Variants in TAS1R1 observed in about 807,000 individuals in gnomAD.
TAS1R1 encodes the protein taste receptor type 1 member 1.
Under a neutral mutation model 45.8 loss-of-function variants are expected in TAS1R1, and 31 were observed. The ratio of observed to expected loss-of-function variants is 0.68; its 90% CI spans 0.51 to 0.91. The LOEUF is 0.91. Among genes scored for constraint, TAS1R1 ranks in the 40% least tolerant of loss-of-function variants. The pLI is 0.00. For missense variants in TAS1R1, 1,051 were observed against 1,063.9 expected (o/e 0.99, Z 0.17); for synonymous variants, 437 against 448.4 (o/e 0.97, Z 0.32).
intron 1 of TAS1R1, among the ~76,000 whole-genome samples, chr1:6,559,925 G>T (rs1639752625): frequency 6.6e-6 from 1 of 150,424 alleles, no homozygotes; most frequent in Non-Finnish European, 1.5e-5. Context: ...GGTGGGTGGA[G>T]GTTGCAATGA....
intron 1 of TAS1R1, among the ~76,000 whole-genome samples, chr1:6,564,519 CA>C (rs1639842717): frequency 6.6e-6 from 1 of 152,064 alleles, no homozygotes; most frequent in African/African-American, 2.4e-5. Context: ...AAGGGAGGTC[CA>C]GGGTTTCTGG....
In TAS1R1 at chr1:6,574,249, C is replaced by T. The variant is rs185185643; in HGVS notation, c.499-382C>T. The stretch of plus-strand genomic sequence containing the variant: ...AAGCTTCGCTTACTCACCAGCTGCT[C>T]ACCTCCTCCTGTGAGGCCCGGTTCC... On this transcript the variant is annotated intron_variant, in intron 2 of 5. Coordinates refer to ENST00000333172, the MANE Select transcript of TAS1R1 (RefSeq NM_138697.4). The surrounding 1 kb of genome is among the most constrained non-coding windows in gnomAD (Gnocchi z 4.3). Among the ~76,000 whole-genome samples the T allele has an allele frequency of 1.3e-5, 2 of 152,308 alleles. No individual in the cohort carries two copies. Among genetic ancestry groups the T allele is most frequent in the Admixed American group, 6.5e-5 (1 of 15,310 alleles).
In TAS1R1 at chr1:6,576,463, G is replaced by C. The variant is rs1557810624; in HGVS notation, c.1309G>C (p.Val437Leu). 3 of 1,614,234 alleles carry C rather than the reference G, an allele frequency of 1.9e-6. No individual in the cohort carries two copies. The highest frequency in any genetic ancestry group is 2.5e-6 in the Non-Finnish European group (3 of 1,180,042). Residue 437 changes from valine to leucine, a missense_variant, in exon 4 of 6, where the codon GTG becomes CTG. Physicochemically the swap from Val to Leu is conservative, Grantham distance 32. Transcript: ENST00000333172. ...GCATTTCCTTCTACACAAGGACACT[G>C]TGGCGTTTAATGACAACAGAGATCC... ...KVHFLLHKDT[V>L]AFNDNRDPLS...
At chr1:6,578,565 C>T in intron 5 of TAS1R1, 88 bp from the exon 6 acceptor site, 1 of 1,508,288 alleles carries the variant, frequency 6.6e-7, no homozygotes, top group East Asian at 2.3e-5. Flanking sequence ...TGCCCTGGTA[C>T]AATTCTCCCA....
intron 1 of TAS1R1, among the ~76,000 whole-genome samples, chr1:6,559,140 G>A (rs1387572154): frequency 6.6e-6 from 1 of 151,634 alleles, no homozygotes; most frequent in African/African-American, 2.4e-5. Context: ...TGATCCACCC[G>A]CCTCGGCCTC....
chr1:6,563,644 T>TA (rs1300482215), intron 1 of TAS1R1, among the ~76,000 whole-genome samples: 1 of 151,998 alleles, frequency 6.6e-6, no homozygotes, highest in African/African-American at 2.4e-5. Flanking sequence ...AGGATGGGGT[T>TA]GGGCTGGTTT....
chr1:6,562,784 A>T (rs1468396159), intron 1 of TAS1R1, among the ~76,000 whole-genome samples: 1 of 152,202 alleles, frequency 6.6e-6, no homozygotes, highest in South Asian at 2.1e-4. Flanking sequence ...AAGCAGACAT[A>T]GGTTGAGGTT....
chr1:6,563,191 T>C (rs1639817973), intron 1 of TAS1R1, among the ~76,000 whole-genome samples: 1 of 152,200 alleles, frequency 6.6e-6, no homozygotes, highest in Non-Finnish European at 1.5e-5. Flanking sequence ...ATGAGTTGTT[T>C]AAATTGGGCC....
chr1:6,563,648 C>T (rs1639826120), intron 1 of TAS1R1, among the ~76,000 whole-genome samples: 1 of 151,736 alleles, frequency 6.6e-6, no homozygotes, highest in Admixed American at 6.6e-5. Flanking sequence ...TGGGGTTGGG[C>T]TGGTTTAGTG....
intron 1 of TAS1R1, among the ~76,000 whole-genome samples, chr1:6,568,875 G>A (rs1426462216): frequency 1.3e-5 from 2 of 152,208 alleles, no homozygotes; most frequent in African/African-American, 4.8e-5. Flanking sequence ...ATAAGATTGG[G>A]TAAGATATTT....
At chr1:6,565,644 G>A (rs930417469) in intron 1 of TAS1R1, among the ~76,000 whole-genome samples, 1 of 152,104 alleles carries the variant, frequency 6.6e-6, no homozygotes, top group Non-Finnish European at 1.5e-5. Context: ...ACGGAGTCTC[G>A]CTCTGTTGCC....
chr1:6,579,283 C>T lies in TAS1R1; in HGVS notation c.2225C>T (p.Ala742Val), dbSNP rs200959281. ...TACAATGGCCTCCTCTCCATCAGTGCCTTTGCCTGCAGCTACCTGGGTAAG... is the reference window on the plus strand; with the variant it reads ...TACAATGGCCTCCTCTCCATCAGTGTCTTTGCCTGCAGCTACCTGGGTAAG... ...FLYNGLLSIS[A>V]FACSYLGKDL... The change falls in exon 6 of 6, where the codon GCC becomes GTC. Residue 742 changes from alanine to valine, a missense_variant. By Grantham distance (64) the Ala-to-Val change is moderately conservative. Transcript: ENST00000333172. 9.0e-5 allele frequency: 145 copies of T among 1,614,218 alleles called. No homozygotes were observed. Among genetic ancestry groups the T allele is most frequent in the Admixed American group, 7.2e-4 (43 of 60,030 alleles).
rs774044499 is a variant in TAS1R1, at chr1:6,555,353, A to C, written c.-21A>C. The C allele has an allele frequency of 1.3e-6, 2 of 1,555,338 alleles. No homozygotes were observed. Among genetic ancestry groups the C allele is most frequent in the Non-Finnish European group, 1.7e-6 (2 of 1,147,408 alleles). Reference sequence around the variant, plus strand: ...TTAGAGGCCACTCCTTGGCCATGCCAGGCGCGGGCATCTGGCCAGCATGCT... The same window carrying C: ...TTAGAGGCCACTCCTTGGCCATGCCCGGCGCGGGCATCTGGCCAGCATGCT... On this transcript the variant is annotated 5_prime_UTR_variant, in exon 1 of 6. Transcript: ENST00000333172.
chr1:6,575,113 G>C lies in TAS1R1; in HGVS notation c.981G>C (p.Gln327His), dbSNP rs746039146. 1 of 1,585,552 alleles carries C rather than the reference G, an allele frequency of 6.3e-7. No homozygotes were observed. Among genetic ancestry groups the C allele is most frequent in the Non-Finnish European group, 8.6e-7 (1 of 1,166,292 alleles). Reference protein sequence around the residue: ...RIGMVLGVAIQKRAVPGLKAF... With the variant: ...RIGMVLGVAIHKRAVPGLKAF... ...GGATGGTGCTGGGCGTGGCCATCCAGAAGAGGGCTGTCCCTGGCCTGAAGG... is the reference window on the plus strand; with the variant it reads ...GGATGGTGCTGGGCGTGGCCATCCACAAGAGGGCTGTCCCTGGCCTGAAGG... The change falls in exon 3 of 6, where the codon CAG (glutamine) becomes CAC (histidine). Residue 327 changes from glutamine to histidine, a missense_variant. Physicochemically the swap from Gln to His is conservative, Grantham distance 24. Coordinates refer to ENST00000333172, the MANE Select transcript of TAS1R1 (RefSeq NM_138697.4).
chr1:6,565,635 C>A (rs190394265), intron 1 of TAS1R1, among the ~76,000 whole-genome samples: 3 of 152,190 alleles, frequency 2.0e-5, no homozygotes, highest in Admixed American at 6.5e-5. Context: ...TTTTTGGAGA[C>A]GGAGTCTCGC....
At chr1:6,556,995 C>T (rs74892820) in intron 1 of TAS1R1, among the ~76,000 whole-genome samples, 26,863 of 123,444 alleles carry the variant, frequency 0.22, 3,450 homozygotes, top group African/African-American at 0.4. Context: ...GGCGACAGAG[C>T]GAGGCTCCAT....
In TAS1R1 at chr1:6,569,092, C is replaced by T. The variant is rs965788655; in HGVS notation, c.192-1817C>T. Among the ~76,000 whole-genome samples the T allele has an allele frequency of 1.0e-4, 13 of 130,212 alleles. No homozygotes were observed. The Admixed American group carries it at 1.3e-3, about 13-fold the overall frequency. The allele number at this position is 130,212 out of a possible 152,430, so 85.4% of individuals were successfully genotyped here. On this transcript the variant is annotated intron_variant, in intron 1 of 5. Transcript: ENST00000333172. ...GGTAGAGACGGTGAAAATTCGGAGT[C>T]AGAGGCAGGGTGGTTGGAGAGAGGG...
At position 6,578,942 on chromosome 1, in the gene TAS1R1, G is replaced by A. The variant is rs774308541; in HGVS notation, c.1884G>A (p.Arg628=). 1.2e-6 allele frequency: 2 copies of A among 1,613,948 alleles called. No homozygotes were observed. Among genetic ancestry groups the A allele is most frequent in the Non-Finnish European group, 1.7e-6 (2 of 1,179,966 alleles). Residue 628 remains arginine, a synonymous_variant, in exon 6 of 6, where the codon AGG becomes AGA. Transcript: ENST00000333172. The part of the protein sequence containing the change: ...SLYGFFGEPT[R]PACLLRQALF... ...ATGGCTTCTTTGGGGAACCCACAAG[G>A]CCTGCGTGCTTGCTACGCCAGGCCC...
intron 1 of TAS1R1, among the ~76,000 whole-genome samples, chr1:6,565,955 C>T (rs983210628): frequency 4.6e-5 from 7 of 151,976 alleles, no homozygotes; most frequent in Non-Finnish European, 7.4e-5. Context: ...GCTTGGGCCC[C>T]GGGGGAGAGT....
Sources: allele counts gnomAD v4.1 joint callset (sites outside exome capture counted in the v4.1 genomes callset), GRCh38; gene constraint gnomAD v4.1.1; non-coding constraint Gnocchi (gnomAD v3.1); transcripts MANE v1.5; gene names NCBI Gene and HGNC (gene_info 2026-07-23, HGNC 2026-07-21).